The following ENKUR variants were observed in gnomAD, a reference collection of about 807,000 sequenced individuals.
The protein encoded by ENKUR is enkurin.
In ENKUR, 19 loss-of-function variants were observed where a neutral mutation model predicts 27.6. The ratio of observed to expected loss-of-function variants is 0.69; its 90% CI spans 0.48 to 1.01. The LOEUF (loss-of-function observed/expected upper bound fraction) is 1.01. ENKUR is among the 50% of genes least tolerant of loss of function. The probability of loss-of-function intolerance (pLI) is 0.00; values close to 1 mark genes in which losing one functional copy is unlikely to be tolerated. For synonymous variants in ENKUR, 117 were observed against 96.9 expected, an observed-to-expected ratio of 1.21 and a Z score of -1.22; for missense variants, 312 against 310.5, an observed-to-expected ratio of 1.00 and a Z score of -0.04.
Position 24,997,819 on chromosome 10 carries a change from A to ATATATATATATG in ENKUR, c.223+1581_223+1582insCATATATATATA, listed in dbSNP as rs1554769683. The stretch of plus-strand genomic sequence containing the variant: ...TGACACAAAGGATTTATATATATAT[A>ATATATATATATG]TATATATGTTTGTGTTATATCATAT... On this transcript the variant is annotated intron_variant, in intron 2 of 5. Coordinates refer to ENST00000331161, the MANE Select transcript of ENKUR (RefSeq NM_145010.4). Among the ~76,000 whole-genome samples the ATATATATATATG allele has an allele frequency of 4.8e-3, 729 of 151,610 alleles. 11 individuals carry two copies. The highest frequency in any genetic ancestry group is 0.017 in the African/African-American group (688 of 41,110).
intron 2 of ENKUR, among the ~76,000 whole-genome samples, chr10:25,041,075 T>C (rs1851058999): frequency 6.6e-6 from 1 of 152,236 alleles, no homozygotes; most frequent in African/African-American, 2.4e-5. Flanking sequence ...TAGACAACAC[T>C]GTAAATAGCA....
chr10:25,024,204 T>TG (rs1412973892), intron 2 of ENKUR: 2 of 1,614,112 alleles, frequency 1.2e-6, no homozygotes, highest in Admixed American at 1.7e-5. Context: ...GCTCAAAAAT[T>TG]GCTCCTGTCA....
intron 2 of ENKUR, among the ~76,000 whole-genome samples, chr10:25,026,885 T>G (rs536562876): frequency 2.1e-4 from 32 of 152,206 alleles, no homozygotes; most frequent in African/African-American, 7.5e-4. Context: ...GCTTAGCTTC[T>G]AAAAAGGAGG....
At chr10:24,987,534 A>T (rs1289668373) in intron 4 of ENKUR, among the ~76,000 whole-genome samples, 1 of 152,214 alleles carries the variant, frequency 6.6e-6, no homozygotes, top group African/African-American at 2.4e-5. Flanking sequence ...GCTAGCAGTG[A>T]GCCGTGATTG....
At chr10:25,051,206 A>G (rs913527828) in intron 2 of ENKUR, among the ~76,000 whole-genome samples, 1 of 152,236 alleles carries the variant, frequency 6.6e-6, no homozygotes, top group East Asian at 1.9e-4. Context: ...CTCCTGAAAT[A>G]TAGCTCCTCT....
intron 3 of ENKUR, among the ~76,000 whole-genome samples, chr10:24,994,303 G>A (rs112629227): frequency 9.0e-5 from 12 of 132,964 alleles, no homozygotes; most frequent in African/African-American, 3.4e-4. Context: ...ATTTCTTCTT[G>A]ATGCAACTTA....
intron 2 of ENKUR, chr10:25,025,593 T>G: frequency 1.8e-5 from 15 of 837,134 alleles, no homozygotes; most frequent in Admixed American, 5.9e-5. Flanking sequence ...GTCTGATCTC[T>G]AGGGCTGACA....
At chr10:25,058,643 G>C (rs1052168249) in intron 2 of ENKUR, among the ~76,000 whole-genome samples, 1 of 152,114 alleles carries the variant, frequency 6.6e-6, no homozygotes, top group Admixed American at 6.5e-5. Flanking sequence ...TTAGTAAGGA[G>C]GGGGAGGCCA....
Position 25,007,039 on chromosome 10 carries a change from G to A in ENKUR, c.78-7493C>T, listed in dbSNP as rs79971023. 2.8e-3 allele frequency among the ~76,000 whole-genome samples: 423 copies of A among 152,262 alleles called. 1 individual carries two copies. The highest frequency in any genetic ancestry group is 7.7e-3 in the South Asian group (37 of 4,828). ...TATTGGATATCCATCCTGATAAAAC[G>A]TTTAAAAATTGAAACTGTTTAACCC... is the stretch of plus-strand genomic sequence containing the variant. On this transcript the variant is annotated intron_variant, in intron 1 of 5. Coordinates refer to ENST00000331161, the MANE Select transcript of ENKUR (RefSeq NM_145010.4).
At chr10:25,020,488 C>G (rs1850698133), upstream of ENKUR, among the ~76,000 whole-genome samples, 1 of 151,968 alleles carries the variant, frequency 6.6e-6, no homozygotes, top group African/African-American at 2.4e-5. Context: ...ATTTACTGGG[C>G]CAGTATGGTG....
intron 4 of ENKUR, among the ~76,000 whole-genome samples, chr10:24,986,453 T>C (rs1461969833): frequency 2.0e-5 from 3 of 152,200 alleles, no homozygotes; most frequent in East Asian, 1.9e-4. Flanking sequence ...TGACAGTGTA[T>C]GCGATGTATT....
intron 2 of ENKUR, among the ~76,000 whole-genome samples, chr10:25,027,614 C>T (rs959998448): frequency 7.3e-5 from 11 of 151,038 alleles, no homozygotes; most frequent in East Asian, 2.0e-4. Flanking sequence ...TCTGGCTGGG[C>T]GCAGTGGCTC....
chr10:25,007,735 C>T (rs1000467546), intron 1 of ENKUR, among the ~76,000 whole-genome samples: 7 of 151,916 alleles, frequency 4.6e-5, no homozygotes, highest in Non-Finnish European at 7.4e-5. Context: ...CGCCCAGCCA[C>T]GTATAGATTT....
intron 2 of ENKUR, among the ~76,000 whole-genome samples, 157 bp downstream of exon 2, chr10:24,999,244 C>A (rs993230369): frequency 6.6e-6 from 1 of 152,126 alleles, no homozygotes; most frequent in Non-Finnish European, 1.5e-5. Context: ...ATTTTTCTAC[C>A]CAATTCTCTA....
intron 1 of ENKUR, among the ~76,000 whole-genome samples, chr10:25,005,031 C>T (rs1220571496): frequency 2.0e-5 from 3 of 152,044 alleles, no homozygotes; most frequent in African/African-American, 2.4e-5. Flanking sequence ...CTTCCCATTG[C>T]TTGTGTTTGT....
intron 2 of ENKUR, among the ~76,000 whole-genome samples, chr10:25,027,406 G>A (rs1277247064): frequency 9.4e-5 from 13 of 137,734 alleles, no homozygotes; most frequent in Admixed American, 2.3e-4. Flanking sequence ...GCATGGTGGC[G>A]CATGCCTGTA....
chr10:24,993,044 A>G (rs573275585), intron 3 of ENKUR, among the ~76,000 whole-genome samples: 42 of 152,370 alleles, frequency 2.8e-4, no homozygotes, highest in Middle Eastern at 3.4e-3. Context: ...CTGTAACCCC[A>G]GCACTTTGGG....
At chr10:25,010,609 AAC>A (rs1187079410) in intron 1 of ENKUR, among the ~76,000 whole-genome samples, 2 of 145,686 alleles carry the variant, frequency 1.4e-5, no homozygotes, top group Non-Finnish European at 3.0e-5. Context: ...CCCACCCCAC[AAC>A]AGTCCCCAGA....
intron 2 of ENKUR, among the ~76,000 whole-genome samples, chr10:25,058,853 C>G (rs1851292635): frequency 6.6e-6 from 1 of 150,702 alleles, no homozygotes; most frequent in Non-Finnish European, 1.5e-5. Flanking sequence ...ATCGCTTGAA[C>G]ACAGGAGGTA....
Sources: allele counts gnomAD v4.1 joint callset (sites outside exome capture counted in the v4.1 genomes callset), GRCh38; gene constraint gnomAD v4.1.1; transcripts MANE v1.5; gene names NCBI Gene and HGNC (gene_info 2026-07-23, HGNC 2026-07-21).